Variants in TRPM2 observed in about 807,000 individuals in gnomAD.
TRPM2 encodes estrogen-responsive element-associated gene 1 protein.
Under a neutral mutation model 174.0 loss-of-function variants are expected in TRPM2, and 161 were observed. The observed-to-expected ratio is 0.93, with a 90% CI of 0.81 to 1.05. The LOEUF (loss-of-function observed/expected upper bound fraction) is 1.05, where lower values mean the gene tolerates loss of function less well. Ranked by LOEUF, TRPM2 falls within the 50% of genes least tolerant of loss-of-function variation. TRPM2 has a pLI of 0.00. For synonymous variants in TRPM2, 954 were observed against 861.3 expected (o/e 1.11, Z -1.88); for missense variants, 2,057 against 2,038.0 (o/e 1.01, Z -0.18).
In TRPM2 at chr21:44,441,877, CT is replaced by C; in HGVS notation, c.*61del. 9.8e-6 allele frequency: 15 copies of C among 1,529,050 alleles called. No individual in the cohort carries two copies. The highest frequency in any genetic ancestry group is 1.3e-5 in the Non-Finnish European group (15 of 1,135,958). The allele number at this position is 1,529,050 out of a possible 1,614,324, so 94.7% of individuals were successfully genotyped here. On this transcript the variant is annotated 3_prime_UTR_variant, in exon 32 of 32. Transcript: ENST00000397928. ...ACGTTCCCCCCAGAAACCAGGGCTT[CT>C]CTCTCCTGAGCCTGGCCAGGACTCA...
At chr21:44,422,196 G>A in intron 22 of TRPM2, 3 of 1,482,164 alleles carry the variant, frequency 2.0e-6, no homozygotes, top group South Asian at 1.3e-5. Context: ...GCACCTGGGA[G>A]GCGCATGAGT....
intron 11 of TRPM2, among the ~76,000 whole-genome samples, chr21:44,392,302 G>A (rs1028134019): frequency 2.6e-5 from 4 of 151,840 alleles, no homozygotes; most frequent in African/African-American, 7.3e-5. Flanking sequence ...CTGTGACCCA[G>A]GCTGGAGTGC....
chr21:44,386,425 C>A (rs559212095), intron 9 of TRPM2, among the ~76,000 whole-genome samples: 1 of 152,124 alleles, frequency 6.6e-6, no homozygotes, highest in East Asian at 1.9e-4. Flanking sequence ...AAAAAAAAAT[C>A]TGCTGCATTT....
chr21:44,353,950 CG>C, intron 1 of TRPM2, 85 bp downstream of exon 1: 1 of 1,485,530 alleles, frequency 6.7e-7, no homozygotes, highest in Non-Finnish European at 8.9e-7. Flanking sequence ...GCTGTGACGA[CG>C]GGGGTGGGAA....
Position 44,401,543 on chromosome 21 carries a change from C to T in TRPM2, c.2322-138C>T, listed in dbSNP as rs970184153. ...CTCCGCCTGTAGCTGCCGTTATGGC[C>T]CCGGATCCCTGAGTGCTTTTGCCTC... On this transcript the variant is annotated intron_variant, in intron 15 of 31. Coordinates refer to ENST00000397928, the MANE Select transcript of TRPM2 (RefSeq NM_003307.4). 8 of 831,962 alleles carry T rather than the reference C, an allele frequency of 9.6e-6. No individual in the cohort carries two copies. The East Asian group carries it at 2.1e-4, about 22-fold the overall frequency. The allele number at this position is 831,962 out of a possible 1,614,324, so 51.5% of individuals were successfully genotyped here.
chr21:44,437,231 C>T, intron 29 of TRPM2, 64 bp downstream of exon 29: 2 of 1,450,126 alleles, frequency 1.4e-6, no homozygotes, highest in Non-Finnish European at 9.4e-7. Context: ...GTCCATTCAT[C>T]CATTCTGCCC....
chr21:44,407,485 C>A (rs1301992350), intron 19 of TRPM2, among the ~76,000 whole-genome samples: 3 of 109,322 alleles, frequency 2.7e-5, no homozygotes, highest in African/African-American at 1.1e-4. Flanking sequence ...TTAACAGCTT[C>A]ATTGAGAGAA....
At chr21:44,437,564 A>G (rs2051325456) in intron 29 of TRPM2, among the ~76,000 whole-genome samples, 2 of 151,976 alleles carry the variant, frequency 1.3e-5, no homozygotes, top group South Asian at 4.1e-4. Context: ...AGCCATAAAT[A>G]TAGGACGGTG....
chr21:44,372,568 G>A (rs1443431931), intron 5 of TRPM2, among the ~76,000 whole-genome samples: 2 of 152,212 alleles, frequency 1.3e-5, no homozygotes, highest in African/African-American at 4.8e-5. Flanking sequence ...AGTCAGGGAC[G>A]CTGAAGACTC....
At chr21:44,405,654 C>A (rs1348107575) in intron 17 of TRPM2, among the ~76,000 whole-genome samples, 1 of 152,174 alleles carries the variant, frequency 6.6e-6, no homozygotes, top group African/African-American at 2.4e-5. Flanking sequence ...GCAATAGGGC[C>A]CTGGCTAACT....
intron 20 of TRPM2, 112 bp downstream of exon 20, chr21:44,414,186 G>A (rs2146330242): frequency 1.5e-6 from 2 of 1,339,890 alleles, no homozygotes; most frequent in East Asian, 4.6e-5. Flanking sequence ...ATGGGCTGGT[G>A]CACAGAGGCG....
rs1300528044 is a variant in TRPM2, at chr21:44,439,005, A to G, written c.4168-62A>G. 4 of 1,433,546 alleles carry G rather than the reference A, an allele frequency of 2.8e-6. No individual in the cohort carries two copies. Among genetic ancestry groups the G allele is most frequent in the African/African-American group, 2.8e-5 (2 of 71,216 alleles). 88.8% of individuals were successfully genotyped at this position (1,433,546 alleles called of 1,614,324 possible). On this transcript the variant is annotated intron_variant, in intron 29 of 31. Transcript: ENST00000397928. The surrounding 1 kb of genome is among the most constrained non-coding windows in gnomAD (Gnocchi z 5.1). ...CAGGAGGCCAGTGGAGACGGGTGCC[A>G]GGGCAGCCTGAGGTCCCGCTTCGGT...
chr21:44,358,629 A>G (rs896424028), intron 2 of TRPM2, among the ~76,000 whole-genome samples: 6 of 152,218 alleles, frequency 3.9e-5, no homozygotes, highest in Admixed American at 6.5e-5. Flanking sequence ...GACAAGAGGG[A>G]CAGGAGGTAG....
chr21:44,362,963 A>T (rs977452449), intron 2 of TRPM2, among the ~76,000 whole-genome samples: 2 of 152,100 alleles, frequency 1.3e-5, no homozygotes, highest in Non-Finnish European at 2.9e-5. Flanking sequence ...TAGTAGAGAC[A>T]GGGTTTCACC....
intron 4 of TRPM2, among the ~76,000 whole-genome samples, chr21:44,368,031 C>T (rs1024988271): frequency 2.0e-5 from 3 of 152,212 alleles, no homozygotes; most frequent in Admixed American, 6.5e-5. Context: ...TTTCAATATC[C>T]GTGTCCTTGT....
Position 44,426,931 on chromosome 21 carries a change from G to T in TRPM2, c.3873-79G>T, listed in dbSNP as rs185156791. 79 of 1,447,804 alleles carry T rather than the reference G, an allele frequency of 5.5e-5. No individual in the cohort carries two copies. The Admixed American group carries it at 1.4e-3, about 27-fold the overall frequency. 89.7% of individuals were successfully genotyped at this position (1,447,804 alleles called of 1,614,324 possible). A position where few individuals can be genotyped will look rare whatever the true frequency, so the allele number is the denominator to read the frequency against. ...CAGCTACTCGGCTGGGCCCTTGGTGGGGGGGTGATCCCTCTGCCTGTCTGC... is the reference window on the plus strand; with the variant it reads ...CAGCTACTCGGCTGGGCCCTTGGTGTGGGGGTGATCCCTCTGCCTGTCTGC... On this transcript the variant is annotated intron_variant, in intron 26 of 31. Coordinates refer to ENST00000397928, the MANE Select transcript of TRPM2 (RefSeq NM_003307.4).
chr21:44,363,854 A>G (rs1408141782), intron 2 of TRPM2, among the ~76,000 whole-genome samples: 1 of 152,118 alleles, frequency 6.6e-6, no homozygotes, highest in Non-Finnish European at 1.5e-5. Flanking sequence ...CTGCCCCACA[A>G]AGGGTGAAGT....
At chr21:44,421,338 C>G (rs2050544139) in intron 22 of TRPM2, among the ~76,000 whole-genome samples, 1 of 151,958 alleles carries the variant, frequency 6.6e-6, no homozygotes, top group East Asian at 1.9e-4. Flanking sequence ...AAATTTAGTC[C>G]CAAATGCCTC....
chr21:44,364,749 G>C (rs2838554), intron 3 of TRPM2, among the ~76,000 whole-genome samples: 24,754 of 152,186 alleles, frequency 0.16, 2,268 homozygotes, highest in Non-Finnish European at 0.2. Flanking sequence ...AAGCAAACGC[G>C]AGAGTCCTTG....
Sources: gnomAD v4.1 joint callset for allele counts (sites outside exome capture counted in the v4.1 genomes callset) on GRCh38, gnomAD v4.1.1 for gene constraint, Gnocchi (gnomAD v3.1) non-coding constraint, MANE v1.5 for transcripts, NCBI Gene and HGNC (gene_info 2026-07-23, HGNC 2026-07-21) for gene names.